The following SACS variants were observed in gnomAD, a reference collection of about 807,000 sequenced individuals.
SACS encodes the protein sacsin molecular chaperone.
SACS carries 197 observed loss-of-function variants against 348.0 expected under a neutral mutation model. The ratio of observed to expected loss-of-function variants is 0.57; its 90% confidence interval spans 0.50 to 0.64. SACS has a LOEUF of 0.64. Ranked by LOEUF, SACS falls within the 30% of genes least tolerant of loss-of-function variation. SACS has a pLI of 0.00. For missense variants in SACS, 4,999 were observed against 5,360.8 expected (o/e 0.93, Z 2.11); for synonymous variants, 1,985 against 1,910.6 (o/e 1.04, Z -1.02).
Position 23,333,488 on chromosome 13 carries a change from T to A in SACS, c.10388A>T (p.Tyr3463Phe), listed in dbSNP as rs1344962022. ...LEEKIHLKEL[Y>F]EVIGCVPVDD... ...TACAGGTACACAACCAATCACCTCA[T>A]ATAGTTCTTTTAAGTGTATTTTTTC... The change falls in exon 10 of 10, where the codon TAT (tyrosine) becomes TTT (phenylalanine). Residue 3463 changes from tyrosine to phenylalanine, a missense_variant. Around this residue, in one of 6 missense-constraint regions of SACS, gnomAD observed 734 missense variants for 694.0 expected, o/e 1.06. Coordinates refer to ENST00000382292, the MANE Select transcript of SACS (RefSeq NM_014363.6). The A allele has an allele frequency of 6.2e-7, 1 of 1,613,212 alleles. No individual in the cohort carries two copies.
chr13:23,340,955 G>A lies in SACS; in HGVS notation c.2921C>T (p.Thr974Ile). 1 of 1,614,022 alleles carries A rather than the reference G, an allele frequency of 6.2e-7. No individual in the cohort carries two copies. The highest frequency in any genetic ancestry group is 1.1e-5 in the South Asian group (1 of 91,074). The change falls in exon 10 of 10, where the codon ACT becomes ATT. Residue 974 changes from threonine (T) to isoleucine (I), a missense_variant. By Grantham distance (89) the Thr-to-Ile change is moderately conservative (BLOSUM62 -1). This residue lies in a region of SACS where 3,156 missense variants were observed against 3,380.1 expected (regional missense o/e 0.93). Coordinates refer to ENST00000382292, the MANE Select transcript of SACS (RefSeq NM_014363.6). ...ISVIDSSDEA[T>I]IRLANMLKIE... The stretch of plus-strand genomic sequence containing the variant: ...TTTCAACATGTTTGCCAGACGAATA[G>A]TAGCTTCATCACTACTGTCTATTAC...
intron 1 of SACS, among the ~76,000 whole-genome samples, chr13:23,431,543 A>G (rs889652892): frequency 2.0e-5 from 3 of 152,224 alleles, no homozygotes; most frequent in African/African-American, 4.8e-5. Context: ...CAGAATAGCA[A>G]TGGGAATTGT....
Position 23,337,284 on chromosome 13 carries a change from T to C in SACS, c.6592A>G (p.Ile2198Val), listed in dbSNP as rs1255375577. 1 of 1,613,738 alleles carries C rather than the reference T, an allele frequency of 6.2e-7. No individual in the cohort carries two copies. Among genetic ancestry groups the C allele is most frequent in the African/African-American group, 1.3e-5 (1 of 74,916 alleles). The stretch of plus-strand genomic sequence containing the variant: ...AAATCCTTTGCTCTAGGATCCCTTA[T>C]TTTTAGTTTCTCATCGATAAGACTC... ...LLSLIDEKLK[I>V]RDPRAKDFAA... The change falls in exon 10 of 10, where the codon ATA becomes GTA. Residue 2198 changes from isoleucine (I) to valine (V), a missense_variant. Coordinates refer to ENST00000382292, the MANE Select transcript of SACS (RefSeq NM_014363.6).
chr13:23,394,983 C>T (rs545155591), intron 2 of SACS, among the ~76,000 whole-genome samples: 5 of 152,298 alleles, frequency 3.3e-5, no homozygotes, highest in Admixed American at 2.0e-4. Context: ...ATTAGGGATC[C>T]GTTCATGAGT....
In SACS at chr13:23,332,603, A is replaced by G; in HGVS notation, c.11273T>C (p.Ile3758Thr). Residue 3758 changes from isoleucine (I) to threonine (T), a missense_variant, in exon 10 of 10, where the codon ATA becomes ACA. By Grantham distance (89) the Ile-to-Thr change is moderately conservative. Coordinates refer to ENST00000382292, the MANE Select transcript of SACS (RefSeq NM_014363.6). ...TACCATTTCTTCATCCAACGTCGTT[A>G]TGTTGCATATGTTTCTGCAGTTATT... ...VINNCRNICN[I>T]TTLDEEMVKT... 2.5e-6 allele frequency: 4 copies of G among 1,613,630 alleles called. No homozygotes were observed. Among genetic ancestry groups the G allele is most frequent in the Non-Finnish European group, 2.5e-6 (3 of 1,179,898 alleles).
chr13:23,357,468 C>G (rs954301062), intron 7 of SACS, among the ~76,000 whole-genome samples: 14 of 152,166 alleles, frequency 9.2e-5, no homozygotes, highest in African/African-American at 2.9e-4. Context: ...TTCCCACTTG[C>G]CCAGGGCAGT....
rs545501239 is a variant in SACS, at chr13:23,388,283, G to A, written c.21-13014C>T. On this transcript the variant is annotated intron_variant, in intron 2 of 9. Coordinates refer to ENST00000382292, the MANE Select transcript of SACS (RefSeq NM_014363.6). The stretch of plus-strand genomic sequence containing the variant: ...GGGCAGGCGGAGTTTGCAGTGAGCC[G>A]AGATTGCGCCACTGCACTCCAGCGT... 2.0e-5 allele frequency among the ~76,000 whole-genome samples: 3 copies of A among 148,844 alleles called. No individual in the cohort carries two copies. The East Asian group carries it at 5.9e-4, about 29-fold the overall frequency.
At chr13:23,345,838 TAA>T (rs994774825) in intron 9 of SACS, among the ~76,000 whole-genome samples, 2 of 152,108 alleles carry the variant, frequency 1.3e-5, no homozygotes, top group African/African-American at 4.8e-5. Context: ...TTATATCCTA[TAA>T]GTTTCCAAAT....
At chr13:23,363,591 C>A (rs1049756615) in intron 6 of SACS, among the ~76,000 whole-genome samples, 4 of 152,182 alleles carry the variant, frequency 2.6e-5, no homozygotes, top group Non-Finnish European at 5.9e-5. Flanking sequence ...CATAAACTCG[C>A]AAAATAATCC....
chr13:23,389,203 T>C (rs984011125), intron 2 of SACS, among the ~76,000 whole-genome samples: 2 of 152,136 alleles, frequency 1.3e-5, no homozygotes, highest in Non-Finnish European at 2.9e-5. Flanking sequence ...TGTGTGTGTA[T>C]ATAGCCTGTG....
chr13:23,400,167 C>T (rs1204826715), intron 2 of SACS, among the ~76,000 whole-genome samples: 1 of 152,106 alleles, frequency 6.6e-6, no homozygotes, highest in Non-Finnish European at 1.5e-5. Context: ...ATTTTTCCCA[C>T]AAGAGATTTA....
intron 2 of SACS, among the ~76,000 whole-genome samples, chr13:23,410,446 T>C (rs1405769481): frequency 1.3e-5 from 2 of 152,158 alleles, no homozygotes; most frequent in African/African-American, 4.8e-5. Flanking sequence ...TAAAGAGCAA[T>C]ACAGTGAGTT....
chr13:23,378,504 C>G (rs1166318048), intron 2 of SACS, among the ~76,000 whole-genome samples: 1 of 151,950 alleles, frequency 6.6e-6, no homozygotes, highest in Non-Finnish European at 1.5e-5. Flanking sequence ...GAGACAGAGT[C>G]TCGCTCTGTC....
chr13:23,389,113 CAT>C (rs1244028387), intron 2 of SACS, among the ~76,000 whole-genome samples: 2 of 151,894 alleles, frequency 1.3e-5, no homozygotes, highest in African/African-American at 2.4e-5. Context: ...AAGACACACC[CAT>C]CTGTTAATTA....
chr13:23,391,259 G>A (rs1361936333), intron 2 of SACS, among the ~76,000 whole-genome samples: 1 of 152,224 alleles, frequency 6.6e-6, no homozygotes, highest in Non-Finnish European at 1.5e-5. Context: ...GTCAGGCAAA[G>A]GATTACTGTC....
Position 23,340,080 on chromosome 13 carries a change from C to T in SACS, c.3796G>A (p.Gly1266Arg), listed in dbSNP as rs1869056992. The change falls in exon 10 of 10, where the codon GGG (glycine) becomes AGG (arginine). Residue 1266 changes from glycine to arginine, a missense_variant. Physicochemically the swap from Gly to Arg is moderately radical, Grantham distance 125. This residue lies in a region of SACS where 3,156 missense variants were observed against 3,380.1 expected (regional missense o/e 0.93). Transcript: ENST00000382292. ...YGFMHDHLNEGKDSFRALKFP... is the reference protein window; with the variant it reads ...YGFMHDHLNERKDSFRALKFP... ...TTTAAGGCTCTAAAAGAATCTTTCC[C>T]TTCATTTAGATGATCATGCATGAAT... is the stretch of plus-strand genomic sequence containing the variant. 1.2e-6 allele frequency: 2 copies of T among 1,613,994 alleles called. No homozygotes were observed. Among genetic ancestry groups the T allele is most frequent in the African/African-American group, 2.7e-5 (2 of 75,054 alleles).
At position 23,429,344 on chromosome 13, in the gene SACS, G is replaced by GATTTT. The variant is rs1874329709; in HGVS notation, c.-502+4266_-502+4270dup. Among the ~76,000 whole-genome samples, 3 of 65,412 alleles carry GATTTT rather than the reference G, an allele frequency of 4.6e-5. No homozygotes were observed. The South Asian group carries it at 1.9e-3, about 40-fold the overall frequency. The allele number at this position is 65,412 out of a possible 152,430, so 42.9% of individuals were successfully genotyped here. On this transcript the variant is annotated intron_variant, in intron 1 of 9. Transcript: ENST00000382292. The stretch of plus-strand genomic sequence containing the variant: ...ACTGTGATTCAGTCGTTGAGGTAGG[G>GATTTT]ATTTTTTTTTTTTTTTTTTTTTTTT...
rs941061505 is a variant in SACS, at chr13:23,334,613, A to G, written c.9263T>C (p.Ile3088Thr). Residue 3088 changes from isoleucine to threonine, a missense_variant, in exon 10 of 10, where the codon ATT (isoleucine) becomes ACT (threonine). This residue lies in a region of SACS where 734 missense variants were observed against 694.0 expected (regional missense o/e 1.06). Transcript: ENST00000382292. ...AGCAGGGGTCACATAACTAACAGGA[A>G]TATCTGCATCTATAAGACAGTGGTA... Reference protein sequence around the residue: ...NLYHCLIDADIPVSYVTPADI... With the variant: ...NLYHCLIDADTPVSYVTPADI... The G allele has an allele frequency of 2.5e-6, 4 of 1,613,492 alleles. No individual in the cohort carries two copies. Among genetic ancestry groups the G allele is most frequent in the Non-Finnish European group, 3.4e-6 (4 of 1,179,794 alleles).
rs771919940 is a variant in SACS at position 23,335,707 on chromosome 13, G to A, written c.8169C>T (p.Val2723=). ...ISSVPASDRM[V]QNLLDKLRSD... ...AGCGCAGTTTGTCCAAAAGATTCTG[G>A]ACCATTCTGTCTGATGCTGGAACAG... The change falls in exon 10 of 10, where the codon GTC becomes GTT. Residue 2723 remains valine, a synonymous_variant. Transcript: ENST00000382292. The surrounding 1 kb of genome is among the most constrained non-coding windows in gnomAD (Gnocchi z 4.7). 2 of 1,613,976 alleles carry A rather than the reference G, an allele frequency of 1.2e-6. No individual in the cohort carries two copies. The highest frequency in any genetic ancestry group is 2.2e-5 in the South Asian group (2 of 91,074).
Sources: gnomAD v4.1 joint callset for allele counts (sites outside exome capture counted in the v4.1 genomes callset) on GRCh38, gnomAD v4.1.1 for gene constraint, gnomAD v4.1.1 regional missense constraint, Gnocchi (gnomAD v3.1) non-coding constraint, MANE v1.5 for transcripts, NCBI Gene and HGNC (gene_info 2026-07-23, HGNC 2026-07-21) for gene names.